The following NAV3 variants were observed in gnomAD, a reference collection of about 807,000 sequenced individuals.
NAV3 encodes pore membrane and/or filament interacting like protein 1.
Under a neutral mutation model 244.7 loss-of-function variants are expected in NAV3, and 87 were observed. That is an observed-to-expected ratio of 0.36 (90% CI 0.30 to 0.42). The LOEUF is 0.42. Ranked by LOEUF, NAV3 falls within the 20% of genes least tolerant of loss-of-function variation. The pLI, the probability that NAV3 is intolerant of heterozygous loss-of-function variation, is 1.00. For missense variants in NAV3, 2,663 were observed against 2,893.3 expected (o/e 0.92, Z 1.83); for synonymous variants, 1,126 against 1,042.2 (o/e 1.08, Z -1.55).
At chr12:78,169,665 T>C (rs989686208) in intron 24 of NAV3, among the ~76,000 whole-genome samples, 2 of 151,720 alleles carry the variant, frequency 1.3e-5, no homozygotes, top group African/African-American at 4.8e-5. Context: ...TTTTATGAAG[T>C]CTTTCAATGT....
intron 1 of NAV3, among the ~76,000 whole-genome samples, chr12:77,912,693 C>A (rs1199047445): frequency 6.6e-6 from 1 of 151,992 alleles, no homozygotes. Flanking sequence ...TGCAATGGTG[C>A]GATCTCAGCT....
intron 2 of NAV3, among the ~76,000 whole-genome samples, chr12:77,642,220 G>C (rs1223699709): frequency 6.6e-6 from 1 of 152,052 alleles, no homozygotes; most frequent in Non-Finnish European, 1.5e-5. Context: ...AAATCTCCAG[G>C]TTGGAAGCCA....
chr12:77,675,712 C>G (rs1041911737), intron 2 of NAV3, among the ~76,000 whole-genome samples: 2 of 152,272 alleles, frequency 1.3e-5, no homozygotes, highest in Admixed American at 1.3e-4. Context: ...TCCTCTCAAC[C>G]ACCTTCCCCT....
At chr12:78,107,946 C>G (rs1954891220) in intron 12 of NAV3, among the ~76,000 whole-genome samples, 1 of 152,038 alleles carries the variant, frequency 6.6e-6, no homozygotes, top group Non-Finnish European at 1.5e-5. Flanking sequence ...AACAATATAA[C>G]AGGAAGCCTC....
chr12:77,577,101 G>A (rs1360164891), intron 2 of NAV3, among the ~76,000 whole-genome samples: 1 of 152,108 alleles, frequency 6.6e-6, no homozygotes, highest in Non-Finnish European at 1.5e-5. Context: ...TGGAATTAAT[G>A]TGTAGACATA....
intron 2 of NAV3, among the ~76,000 whole-genome samples, chr12:77,630,566 A>G (rs980049321): frequency 6.6e-6 from 1 of 152,144 alleles, no homozygotes; most frequent in African/African-American, 2.4e-5. Context: ...CCTCCTCCCC[A>G]GTACCTTGCC....
chr12:78,052,968 C>T (rs1419692004), intron 11 of NAV3, among the ~76,000 whole-genome samples: 2 of 151,960 alleles, frequency 1.3e-5, no homozygotes, highest in Non-Finnish European at 2.9e-5. Context: ...CCTGTAATCC[C>T]AGCACTTTGG....
At chr12:77,868,768 A>AAAG (rs1351643151) in intron 1 of NAV3, among the ~76,000 whole-genome samples, 2 of 150,594 alleles carry the variant, frequency 1.3e-5, no homozygotes, top group Non-Finnish European at 3.0e-5. Flanking sequence ...AAAAAAAAAA[A>AAAG]AAAGAAAAAA....
intron 5 of NAV3, among the ~76,000 whole-genome samples, chr12:77,989,055 G>A (rs1418413958): frequency 2.0e-5 from 3 of 152,112 alleles, no homozygotes; most frequent in Admixed American, 6.6e-5. Context: ...GAAAAATAAT[G>A]AGAGAAAAGT....
chr12:77,758,665 A>T (rs1479339086), intron 2 of NAV3, among the ~76,000 whole-genome samples: 3 of 152,234 alleles, frequency 2.0e-5, no homozygotes, highest in African/African-American at 7.2e-5. Flanking sequence ...TACTTTTTCA[A>T]AAAAGTCTTT....
intron 30 of NAV3, among the ~76,000 whole-genome samples, chr12:78,182,515 G>A (rs2029067): frequency 0.44 from 67,243 of 151,528 alleles, 15,543 homozygotes; most frequent in East Asian, 0.76. Context: ...TTTGAAGGAG[G>A]CAAGTTTAAT....
Position 78,185,528 on chromosome 12 carries a change from G to A in NAV3, c.5693-73G>A. 7.7e-6 allele frequency: 10 copies of A among 1,295,178 alleles called. No individual in the cohort carries two copies. The South Asian group carries it at 1.0e-4, about 13-fold the overall frequency. 80.2% of individuals were successfully genotyped at this position (1,295,178 alleles called of 1,614,324 possible). The stretch of plus-strand genomic sequence containing the variant: ...TTGAAAGATATAAAACTATGAGGGA[G>A]AAAAGAATGACAGTAAACAAATCTG... On this transcript the variant is annotated intron_variant, in intron 30 of 39. Transcript: ENST00000397909.
chr12:78,041,954 C>A (rs1880939394), intron 9 of NAV3, among the ~76,000 whole-genome samples: 1 of 151,876 alleles, frequency 6.6e-6, no homozygotes. Context: ...TCTTTTTCTT[C>A]CATCCTGTTT....
chr12:77,924,391 C>T (rs1306423186), intron 1 of NAV3, among the ~76,000 whole-genome samples: 1 of 151,944 alleles, frequency 6.6e-6, no homozygotes, highest in Non-Finnish European at 1.5e-5. Flanking sequence ...AAATGAAGTC[C>T]TTGGTGAGAA....
intron 1 of NAV3, among the ~76,000 whole-genome samples, chr12:77,910,732 A>C (rs1463875867): frequency 6.6e-6 from 1 of 152,096 alleles, no homozygotes; most frequent in Non-Finnish European, 1.5e-5. Flanking sequence ...TTGAGGAAAA[A>C]TAGGGCTGAA....
rs1340973917 is a variant in NAV3, at chr12:78,212,794, G to T, written c.*2277G>T. 1.3e-5 allele frequency: 2 copies of T among 152,608 alleles called. No homozygotes were observed. Among genetic ancestry groups the T allele is most frequent in the Non-Finnish European group, 2.9e-5 (2 of 68,024 alleles). The allele number at this position is 152,608 out of a possible 1,614,324, so 9.5% of individuals were successfully genotyped here. A position where few individuals can be genotyped will look rare whatever the true frequency, so the allele number is the denominator to read the frequency against. On this transcript the variant is annotated 3_prime_UTR_variant, in exon 40 of 40. Transcript: ENST00000397909. The stretch of plus-strand genomic sequence containing the variant: ...ATGTAACATATCATGTAAATAGGCA[G>T]AAACAGTGAAATAAATCATCTGAAA...
intron 2 of NAV3, among the ~76,000 whole-genome samples, chr12:77,692,477 C>G (rs1175411297): frequency 6.6e-6 from 1 of 151,914 alleles, no homozygotes; most frequent in Non-Finnish European, 1.5e-5. Flanking sequence ...ATAGGCTGTA[C>G]TAATGACTAA....
chr12:78,024,843 C>T (rs868137432), intron 9 of NAV3, among the ~76,000 whole-genome samples: 17 of 151,898 alleles, frequency 1.1e-4, no homozygotes, highest in African/African-American at 2.9e-4. Flanking sequence ...GGCATGGTGG[C>T]GGGCGCCTGT....
intron 13 of NAV3, among the ~76,000 whole-genome samples, chr12:78,117,171 A>T (rs1277564353): frequency 7.7e-6 from 1 of 130,226 alleles, no homozygotes; most frequent in African/African-American, 2.9e-5. Context: ...ATATATATAT[A>T]TATATATATA....
Sources: allele counts gnomAD v4.1 joint callset (sites outside exome capture counted in the v4.1 genomes callset), GRCh38; gene constraint gnomAD v4.1.1; transcripts MANE v1.5; gene names NCBI Gene and HGNC (gene_info 2026-07-23, HGNC 2026-07-21).